Variants in DCHS2 observed in about 807,000 individuals in gnomAD.
DCHS2 encodes the protein protocadherin-23.
DCHS2 carries 142 observed loss-of-function variants against 182.4 expected under a neutral mutation model. The ratio of observed to expected loss-of-function variants is 0.78; its 90% CI spans 0.68 to 0.89. The LOEUF is 0.89. DCHS2 is among the 40% of genes least tolerant of loss of function. DCHS2 has a pLI of 0.00. For missense variants in DCHS2, 4,319 were observed against 4,198.6 expected (o/e 1.03, Z -0.79); for synonymous variants, 1,740 against 1,663.3 (o/e 1.05, Z -1.12).
intron 15 of DCHS2, among the ~76,000 whole-genome samples, chr4:154,258,529 C>G (rs983602643): frequency 1.3e-5 from 2 of 151,890 alleles, no homozygotes; most frequent in Admixed American, 1.3e-4. Flanking sequence ...AGGTGCCCAC[C>G]ACCACACCAG....
intron 13 of DCHS2, among the ~76,000 whole-genome samples, chr4:154,280,117 G>A (rs1734061710): frequency 6.6e-6 from 1 of 151,920 alleles, no homozygotes; most frequent in Non-Finnish European, 1.5e-5. Flanking sequence ...CAAAAAATTA[G>A]ATAACCTAGA....
chr4:154,378,504 GGAAGGAAGGAAGGAAA>G (rs1253213848), intron 1 of DCHS2, among the ~76,000 whole-genome samples: 11 of 109,352 alleles, frequency 1.0e-4, no homozygotes, highest in South Asian at 3.4e-4. Context: ...AGGGTGGGAA[GGAAGGAAGGAAGGAAA>G]GAAGGAAGGA....
At chr4:154,363,690 A>G (rs1245450655) in intron 3 of DCHS2, among the ~76,000 whole-genome samples, 1 of 152,220 alleles carries the variant, frequency 6.6e-6, no homozygotes, top group Admixed American at 6.5e-5. Flanking sequence ...AATTACTAAG[A>G]GAGTAGGTCT....
intron 17 of DCHS2, among the ~76,000 whole-genome samples, chr4:154,241,153 T>C (rs773389933): frequency 1.3e-5 from 2 of 152,166 alleles, no homozygotes; most frequent in Non-Finnish European, 2.9e-5. Context: ...ACACTTTCTG[T>C]ATCAAAATCA....
intron 3 of DCHS2, among the ~76,000 whole-genome samples, chr4:154,363,886 A>G (rs191127384): frequency 7.6e-4 from 116 of 152,286 alleles, no homozygotes; most frequent in African/African-American, 2.7e-3. Context: ...TCAACTTAGC[A>G]GCTGCCTGTT....
rs899111347 is a variant in DCHS2, at chr4:154,490,783, G to A, written c.573C>T (p.Ala191=). 9 of 1,551,604 alleles carry A rather than the reference G, an allele frequency of 5.8e-6. No homozygotes were observed. The highest frequency in any genetic ancestry group is 7.0e-6 in the Non-Finnish European group (8 of 1,146,910). ...TGAACAGTCCGGCGTCCGGATCGTGGGCAACTGGCAGGCGGAAGGCGGTCC... is the reference window on the plus strand; with the variant it reads ...TGAACAGTCCGGCGTCCGGATCGTGAGCAACTGGCAGGCGGAAGGCGGTCC... ...PPGTAFRLPV[A]HDPDAGLFST... The change falls in exon 1 of 20, where the codon GCC becomes GCT. Residue 191 remains alanine, a synonymous_variant. Coordinates refer to ENST00000357232, the MANE Select transcript of DCHS2 (RefSeq NM_001358235.2).
intron 3 of DCHS2, among the ~76,000 whole-genome samples, chr4:154,358,590 C>A (rs528756717): frequency 2.6e-5 from 4 of 152,216 alleles, no homozygotes; most frequent in African/African-American, 9.6e-5. Context: ...GCATGGACAT[C>A]TAGGTTCATT....
rs1480895916 is a variant in DCHS2, at chr4:154,233,834, G to T, written c.*702C>A. The T allele has an allele frequency of 6.6e-6, 1 of 152,024 alleles. No individual in the cohort carries two copies. Among genetic ancestry groups the T allele is most frequent in the Non-Finnish European group, 1.5e-5 (1 of 68,000 alleles). The allele number at this position is 152,024 out of a possible 1,614,324, so 9.4% of individuals were successfully genotyped here. A position where few individuals can be genotyped will look rare whatever the true frequency, so the allele number is the denominator to read the frequency against. On this transcript the variant is annotated 3_prime_UTR_variant, in exon 20 of 20. Coordinates refer to ENST00000357232, the MANE Select transcript of DCHS2 (RefSeq NM_001358235.2). ...CCTCTATCAGGAACATGCATTTCTGGTTTATTGAATCATGAATAATTATTT... is the reference window on the plus strand; with the variant it reads ...CCTCTATCAGGAACATGCATTTCTGTTTTATTGAATCATGAATAATTATTT...
At chr4:154,441,013 ACTTTG>A (rs772022427) in intron 1 of DCHS2, among the ~76,000 whole-genome samples, 2 of 152,194 alleles carry the variant, frequency 1.3e-5, no homozygotes, top group Non-Finnish European at 2.9e-5. Context: ...GTCTCTTTGA[ACTTTG>A]CCAGCATTTT....
chr4:154,396,824 ACT>A (rs1731946046), intron 1 of DCHS2, among the ~76,000 whole-genome samples: 1 of 151,480 alleles, frequency 6.6e-6, no homozygotes, highest in African/African-American at 2.4e-5. Flanking sequence ...CACTCCCAAA[ACT>A]CTTCCCAGAT....
At chr4:154,376,676 G>T (rs950817369) in intron 2 of DCHS2, among the ~76,000 whole-genome samples, 1 of 152,122 alleles carries the variant, frequency 6.6e-6, no homozygotes, top group Non-Finnish European at 1.5e-5. Flanking sequence ...GAAGCAAATG[G>T]CATCACCTAA....
intron 1 of DCHS2, among the ~76,000 whole-genome samples, chr4:154,414,478 T>C (rs1732751128): frequency 2.3e-5 from 3 of 131,676 alleles, no homozygotes; most frequent in South Asian, 5.4e-4. Context: ...AATATCTCCA[T>C]ACAGCTTTCT....
chr4:154,472,767 AACACAC>A (rs913029849), intron 1 of DCHS2, among the ~76,000 whole-genome samples: 2 of 151,796 alleles, frequency 1.3e-5, no homozygotes, highest in African/African-American at 4.8e-5. Flanking sequence ...ACAATACACA[AACACAC>A]ACACAAACAC....
chr4:154,490,370 C>G lies in DCHS2; in HGVS notation c.986G>C (p.Gly329Ala), dbSNP rs1006489811. The G allele has an allele frequency of 2.7e-5, 41 of 1,536,212 alleles. No individual in the cohort carries two copies. The highest frequency in any genetic ancestry group is 5.9e-5 in the Admixed American group (3 of 50,822). ...GGCGCGGACGCTGTAGCGCACGAAG[C>G]CATTGGGCCCCAGGTCGCGGTCGGT... is the stretch of plus-strand genomic sequence containing the variant. ...RATDRDLGPN[G>A]FVRYSVRARQ... Residue 329 changes from glycine to alanine, a missense_variant, in exon 1 of 20, where the codon GGC becomes GCC. By Grantham distance (60) the Gly-to-Ala change is moderately conservative. Coordinates refer to ENST00000357232, the MANE Select transcript of DCHS2 (RefSeq NM_001358235.2).
At chr4:154,385,170 G>A (rs536536536) in intron 1 of DCHS2, among the ~76,000 whole-genome samples, 285 of 147,058 alleles carry the variant, frequency 1.9e-3, no homozygotes, top group Admixed American at 5.8e-3. Context: ...GAGAACATGC[G>A]GCGTTTGGTT....
intron 16 of DCHS2, among the ~76,000 whole-genome samples, chr4:154,243,027 G>A (rs568506635): frequency 4.6e-5 from 7 of 152,208 alleles, no homozygotes; most frequent in Non-Finnish European, 1.0e-4. Context: ...TGTCAAAATG[G>A]ACCATTTCGG....
chr4:154,323,175 A>AT, intron 7 of DCHS2: 1 of 1,546,936 alleles, frequency 6.5e-7, no homozygotes, highest in South Asian at 1.2e-5. Context: ...GTGTAGCATA[A>AT]TATGTTCCTC....
intron 1 of DCHS2, chr4:154,391,023 T>C: frequency 1.5e-6 from 1 of 666,306 alleles, no homozygotes; most frequent in South Asian, 2.3e-5. Flanking sequence ...CATGAGAGGA[T>C]CCTAGCTAAG....
chr4:154,390,934 T>C (rs1731671684), intron 1 of DCHS2, among the ~76,000 whole-genome samples: 1 of 152,208 alleles, frequency 6.6e-6, no homozygotes, highest in Non-Finnish European at 1.5e-5. Context: ...CAAAAATGAA[T>C]TTGGATTACA....
Sources: allele counts gnomAD v4.1 joint callset (sites outside exome capture counted in the v4.1 genomes callset), GRCh38; gene constraint gnomAD v4.1.1; transcripts MANE v1.5; gene names NCBI Gene and HGNC (gene_info 2026-07-23, HGNC 2026-07-21).